The following SCN8A variants were observed in gnomAD, a reference collection of about 807,000 sequenced individuals.
SCN8A encodes the protein sodium voltage-gated channel alpha subunit 8.
A neutral mutation model predicts 184.1 loss-of-function variants in SCN8A; 30 were observed. That is an observed-to-expected ratio of 0.16 (90% CI 0.12 to 0.22). The LOEUF (loss-of-function observed/expected upper bound fraction) is 0.22, where lower values mean the gene tolerates loss of function less well. SCN8A is among the 10% of genes least tolerant of loss of function. The pLI is 1.00. For missense variants in SCN8A, 1,057 were observed against 2,498.9 expected (o/e 0.42, Z 12.30); for synonymous variants, 852 against 907.0 (o/e 0.94, Z 1.09).
chr12:51,733,072 G>A lies in SCN8A; in HGVS notation c.1998+11164G>A, dbSNP rs186563206. Among the ~76,000 whole-genome samples the A allele has an allele frequency of 8.0e-4, 122 of 152,118 alleles. 1 individual carries two copies. Among genetic ancestry groups the A allele is most frequent in the African/African-American group, 2.8e-3 (117 of 41,522 alleles). The stretch of plus-strand genomic sequence containing the variant: ...TCTTTTTCTTGTCCAATTGCTCTAA[G>A]TAGGACCTCCAGTACTATGTTGAGT... On this transcript the variant is annotated intron_variant, in intron 12 of 26. Transcript: ENST00000627620.
chr12:51,671,932 T>G (rs191562643), intron 2 of SCN8A, among the ~76,000 whole-genome samples: 5 of 152,306 alleles, frequency 3.3e-5, no homozygotes, highest in Non-Finnish European at 7.4e-5. Context: ...GGAACCAAGT[T>G]GGAATAAAAG....
intron 22 of SCN8A, among the ~76,000 whole-genome samples, chr12:51,787,938 C>T (rs543069778): frequency 1.3e-5 from 2 of 152,266 alleles, no homozygotes; most frequent in East Asian, 3.9e-4. Flanking sequence ...ATCCACAAGC[C>T]AGTCAAACAT....
intron 1 of SCN8A, 51 bp from the exon 2 acceptor site, chr12:51,662,713 C>A: frequency 8.4e-7 from 1 of 1,184,426 alleles, no homozygotes; most frequent in South Asian, 1.5e-5. Flanking sequence ...AGTCTGGCCT[C>A]TTTTTAGAGC....
chr12:51,686,675 C>G (rs1003328465), intron 4 of SCN8A, among the ~76,000 whole-genome samples: 5 of 152,176 alleles, frequency 3.3e-5, no homozygotes, highest in African/African-American at 1.2e-4. Context: ...TTTCCTGTGC[C>G]AGGCAGTGCC....
Position 51,807,878 on chromosome 12 carries a change from A to G in SCN8A, c.*449A>G, listed in dbSNP as rs1182184812. On this transcript the variant is annotated 3_prime_UTR_variant, in exon 27 of 27. Coordinates refer to ENST00000627620, the MANE Select transcript of SCN8A (RefSeq NM_001330260.2). The surrounding 1 kb of genome is among the most constrained non-coding windows in gnomAD (Gnocchi z 4.5). ...CTTACATTAGTTAAGCTAAGCAGCA[A>G]AAAGAAAACACACACACACACTCAC... 1 of 196,510 alleles carries G rather than the reference A, an allele frequency of 5.1e-6. No homozygotes were observed. The highest frequency in any genetic ancestry group is 1.1e-5 in the Non-Finnish European group (1 of 95,098). 12.2% of individuals were successfully genotyped at this position (196,510 alleles called of 1,614,324 possible). A position where few individuals can be genotyped will look rare whatever the true frequency, so the allele number is the denominator to read the frequency against.
intron 21 of SCN8A, among the ~76,000 whole-genome samples, chr12:51,783,113 G>A (rs535619563): frequency 1.9e-4 from 29 of 152,186 alleles, no homozygotes; most frequent in Non-Finnish European, 3.5e-4. Flanking sequence ...CTAACAGACA[G>A]TATTGACCAT....
chr12:51,717,786 G>A (rs1941990167), intron 11 of SCN8A, among the ~76,000 whole-genome samples: 1 of 152,194 alleles, frequency 6.6e-6, no homozygotes, highest in Non-Finnish European at 1.5e-5. Context: ...GGATGAGGCA[G>A]AAGAACAAAA....
chr12:51,795,114 C>T (rs1175892388), intron 26 of SCN8A, among the ~76,000 whole-genome samples: 1 of 152,122 alleles, frequency 6.6e-6, no homozygotes, highest in East Asian at 1.9e-4. Context: ...TGTGGGCCAA[C>T]TACAGTTTGA....
At chr12:51,704,248 G>GTA (rs1941740662) in intron 9 of SCN8A, among the ~76,000 whole-genome samples, 3 of 152,160 alleles carry the variant, frequency 2.0e-5, no homozygotes, top group African/African-American at 7.2e-5. Flanking sequence ...TGGGTTGCAT[G>GTA]CACATAACCT....
intron 14 of SCN8A, among the ~76,000 whole-genome samples, chr12:51,753,052 G>A (rs1942620221): frequency 6.6e-6 from 1 of 152,012 alleles, no homozygotes; most frequent in Non-Finnish European, 1.5e-5. Context: ...AGCAAATAAT[G>A]TTATTTTTCC....
intron 12 of SCN8A, among the ~76,000 whole-genome samples, chr12:51,742,723 TGAATG>T (rs1162394751): frequency 6.6e-6 from 1 of 152,120 alleles, no homozygotes; most frequent in East Asian, 1.9e-4. Flanking sequence ...TTCTTGTACT[TGAATG>T]TTGATATCTT....
At chr12:51,659,477 ACT>A (rs566654371) in intron 1 of SCN8A, among the ~76,000 whole-genome samples, 86 of 152,320 alleles carry the variant, frequency 5.6e-4, no homozygotes, top group African/African-American at 2.0e-3. Context: ...AAAATTTAAA[ACT>A]CAGAATACAG....
intron 8 of SCN8A, among the ~76,000 whole-genome samples, chr12:51,701,501 A>T (rs1941686714): frequency 6.6e-6 from 1 of 152,190 alleles, no homozygotes; most frequent in African/African-American, 2.4e-5. Context: ...CTCATCCTAT[A>T]GTACAATAGA....
chr12:51,761,585 G>A (rs1319866602), intron 14 of SCN8A, among the ~76,000 whole-genome samples: 1 of 151,790 alleles, frequency 6.6e-6, no homozygotes, highest in African/African-American at 2.4e-5. Context: ...TGCCTCCCGG[G>A]CTCAAGTGAT....
chr12:51,618,749 A>G (rs556624298), intron 1 of SCN8A, among the ~76,000 whole-genome samples: 3 of 152,220 alleles, frequency 2.0e-5, no homozygotes, highest in African/African-American at 7.2e-5. Context: ...GGTGTGAGAA[A>G]GGTGGTGGCT....
chr12:51,768,551 A>G (rs1190253676), intron 16 of SCN8A, among the ~76,000 whole-genome samples: 2 of 152,124 alleles, frequency 1.3e-5, no homozygotes, highest in Non-Finnish European at 2.9e-5. Flanking sequence ...TTTTGGGGAA[A>G]TGTCCTTCCA....
At chr12:51,785,862 C>G (rs918738162) in intron 21 of SCN8A, among the ~76,000 whole-genome samples, 1 of 152,198 alleles carries the variant, frequency 6.6e-6, no homozygotes, top group East Asian at 1.9e-4. Flanking sequence ...AAGCAGGGAG[C>G]GACTCTGATT....
chr12:51,766,946 C>T (rs187341676), intron 16 of SCN8A, among the ~76,000 whole-genome samples: 60 of 152,290 alleles, frequency 3.9e-4, no homozygotes, highest in African/African-American at 1.4e-3. Flanking sequence ...AGAAGACAAG[C>T]TTATCTGTCC....
chr12:51,614,958 T>C (rs1592329627), intron 1 of SCN8A, among the ~76,000 whole-genome samples: 1 of 152,238 alleles, frequency 6.6e-6, no homozygotes, highest in South Asian at 2.1e-4. Flanking sequence ...ATCTCCAGAA[T>C]TTATTCATCT....
Sources: gnomAD v4.1 joint callset for allele counts (sites outside exome capture counted in the v4.1 genomes callset) on GRCh38, gnomAD v4.1.1 for gene constraint, Gnocchi (gnomAD v3.1) non-coding constraint, MANE v1.5 for transcripts, NCBI Gene and HGNC (gene_info 2026-07-23, HGNC 2026-07-21) for gene names.